The following CACNA1B variants were observed in gnomAD, a reference collection of about 807,000 sequenced individuals.
CACNA1B encodes the protein voltage-dependent N-type calcium channel subunit alpha-1B.
CACNA1B carries 70 observed loss-of-function variants against 247.2 expected under a neutral mutation model. The observed-to-expected ratio is 0.28, with a 90% CI of 0.23 to 0.35. The LOEUF is 0.35. CACNA1B is among the 10% of genes least tolerant of loss of function. CACNA1B has a pLI of 1.00. For synonymous variants in CACNA1B, 1,231 were observed against 1,294.4 expected (o/e 0.95, Z 1.05); for missense variants, 2,367 against 3,197.4 (o/e 0.74, Z 6.26).
At chr9:137,884,966 C>CGCT (rs546496137) in intron 3 of CACNA1B, among the ~76,000 whole-genome samples, 26 of 107,670 alleles carry the variant, frequency 2.4e-4, no homozygotes, top group African/African-American at 9.4e-4. Context: ...TTCCCCCCCC[C>CGCT]CCTCCTCCCA....
chr9:138,040,852 C>G (rs1445770738), intron 20 of CACNA1B, among the ~76,000 whole-genome samples: 1 of 152,170 alleles, frequency 6.6e-6, no homozygotes, highest in Non-Finnish European at 1.5e-5. Flanking sequence ...TCCTTCAATC[C>G]AATCAAGTTG....
At chr9:137,909,091 A>G (rs1588998453) in intron 3 of CACNA1B, among the ~76,000 whole-genome samples, 2 of 145,992 alleles carry the variant, frequency 1.4e-5, no homozygotes, top group South Asian at 4.4e-4. Flanking sequence ...CCTGGGTTCC[A>G]GCGATTCTCC....
At position 137,954,391 on chromosome 9, in the gene CACNA1B, G is replaced by A. The variant is rs1009436548; in HGVS notation, c.1071-1307G>A. On this transcript the variant is annotated intron_variant, in intron 7 of 46. Coordinates refer to ENST00000371372, the MANE Select transcript of CACNA1B (RefSeq NM_000718.4). The surrounding 1 kb of genome is among the most constrained non-coding windows in gnomAD (Gnocchi z 4.1). ...ACAGCATCCCAGAGAAGCAGAAGAG[G>A]TGGCCCCTGTCCTGCCTCTTCTCAC... 1.3e-5 allele frequency among the ~76,000 whole-genome samples: 2 copies of A among 152,224 alleles called. No homozygotes were observed. The highest frequency in any genetic ancestry group is 4.8e-5 in the African/African-American group (2 of 41,458).
At chr9:138,061,000 A>G (rs1348424106) in intron 31 of CACNA1B, among the ~76,000 whole-genome samples, 1 of 152,100 alleles carries the variant, frequency 6.6e-6, no homozygotes, top group Non-Finnish European at 1.5e-5. Flanking sequence ...CCAGACCCTC[A>G]GCCCTGCGCA....
intron 13 of CACNA1B, among the ~76,000 whole-genome samples, chr9:137,985,768 C>T (rs186130574): frequency 3.9e-5 from 6 of 152,322 alleles, no homozygotes; most frequent in South Asian, 4.1e-4. Flanking sequence ...TCAGCAGCCT[C>T]GGTGGCACCT....
intron 18 of CACNA1B, among the ~76,000 whole-genome samples, chr9:138,016,029 CACACACAGAATCAT>C (rs1589070145): frequency 6.6e-6 from 1 of 152,078 alleles, no homozygotes; most frequent in Non-Finnish European, 1.5e-5. Flanking sequence ...GTCACAGAAG[CACACACAGAATCAT>C]ACACACAGAC....
At chr9:137,989,623 C>A (rs1958408499) in intron 15 of CACNA1B, among the ~76,000 whole-genome samples, 1 of 152,036 alleles carries the variant, frequency 6.6e-6, no homozygotes, top group Admixed American at 6.6e-5. Context: ...AGCACAGATG[C>A]CAGAGGGTCA....
intron 37 of CACNA1B, among the ~76,000 whole-genome samples, chr9:138,099,931 A>G (rs1015528803): frequency 6.6e-6 from 1 of 152,218 alleles, no homozygotes; most frequent in African/African-American, 2.4e-5. Flanking sequence ...GTCTAATAAC[A>G]TCTCCTGGGC....
Position 137,986,544 on chromosome 9 carries a change from A to G in CACNA1B, c.1901A>G (p.Gln634Arg). Residue 634 changes from glutamine to arginine, a missense_variant and splice_region_variant, in exon 14 of 47, where the codon CAG (glutamine) becomes CGG (arginine). Transcript: ENST00000371372. This position sits in a 1 kb window ranked among gnomAD's most constrained non-coding sequence, Gnocchi z 6.0. ...ALLGMQLFGG[Q>R]FNFQDETPTT... The stretch of plus-strand genomic sequence containing the variant: ...CTGGGGATGCAGCTGTTTGGGGGAC[A>G]GTAAGTGGGCCCGGGAGGGAGAGCT... 1 of 1,613,830 alleles carries G rather than the reference A, an allele frequency of 6.2e-7. No individual in the cohort carries two copies. Among genetic ancestry groups the G allele is most frequent in the Non-Finnish European group, 8.5e-7 (1 of 1,179,830 alleles).
At chr9:138,091,225 C>T (rs1350314486) in intron 36 of CACNA1B, among the ~76,000 whole-genome samples, 2 of 152,120 alleles carry the variant, frequency 1.3e-5, no homozygotes, top group African/African-American at 4.8e-5. Context: ...TGAAATTCTG[C>T]CGCTTGTGGC....
rs1431377003 is a variant in CACNA1B, at chr9:138,057,503, A to G, written c.3969-229A>G. 6.6e-6 allele frequency among the ~76,000 whole-genome samples: 1 copy of G among 152,078 alleles called. No homozygotes were observed. The highest frequency in any genetic ancestry group is 1.5e-5 in the Non-Finnish European group (1 of 68,022). ...GCCCCCGTTTTCCTCTAAGTGTTTT[A>G]TAGTTTTAGCTCCTTACACTTAGGT... is the stretch of plus-strand genomic sequence containing the variant. On this transcript the variant is annotated intron_variant, in intron 26 of 46. Transcript: ENST00000371372. The surrounding 1 kb of genome is among the most constrained non-coding windows in gnomAD (Gnocchi z 4.0).
chr9:137,984,210 C>T lies in CACNA1B; in HGVS notation c.1729C>T (p.Leu577=), dbSNP rs1958327623. The change falls in exon 13 of 47, where the codon CTG becomes TTG. Residue 577 remains leucine, a synonymous_variant. Coordinates refer to ENST00000371372, the MANE Select transcript of CACNA1B (RefSeq NM_000718.4). ...KPGSSFGISV[L]RALRLLRIFK... is the part of the protein sequence containing the mutation. The stretch of plus-strand genomic sequence containing the variant: ...GGGAAGCTCCTTTGGGATCAGTGTG[C>T]TGCGGGCCCTCCGCCTGCTGAGGAT... The T allele has an allele frequency of 6.2e-7, 1 of 1,602,740 alleles. No individual in the cohort carries two copies.
chr9:137,943,786 G>T (rs574380541), intron 6 of CACNA1B, among the ~76,000 whole-genome samples: 2 of 152,142 alleles, frequency 1.3e-5, no homozygotes, highest in Non-Finnish European at 2.9e-5. Flanking sequence ...TTGCAAGACC[G>T]CATTCTTTGA....
At chr9:138,015,371 G>A (rs1281169921) in intron 18 of CACNA1B, among the ~76,000 whole-genome samples, 2 of 152,196 alleles carry the variant, frequency 1.3e-5, no homozygotes, top group Non-Finnish European at 2.9e-5. Context: ...CACCTGGCGA[G>A]GCCTGGCCCT....
intron 36 of CACNA1B, among the ~76,000 whole-genome samples, chr9:138,095,217 G>C (rs1413666443): frequency 6.6e-6 from 1 of 152,094 alleles, no homozygotes; most frequent in Admixed American, 6.5e-5. Flanking sequence ...TTTAATAAGG[G>C]GTTAATATTC....
chr9:138,002,775 CTT>C (rs1288265382), intron 15 of CACNA1B, among the ~76,000 whole-genome samples: 2 of 150,688 alleles, frequency 1.3e-5, no homozygotes, highest in African/African-American at 4.9e-5. Flanking sequence ...AATTTCTTCT[CTT>C]TTCTTTTCTT....
intron 15 of CACNA1B, among the ~76,000 whole-genome samples, chr9:137,987,161 A>G (rs978396530): frequency 4.6e-5 from 7 of 152,128 alleles, no homozygotes; most frequent in African/African-American, 1.7e-4. Flanking sequence ...TTAGCTCCTG[A>G]GACTTGCATG....
In CACNA1B at chr9:138,010,074, C is replaced by A. The variant is rs751781102; in HGVS notation, c.2157C>A (p.Thr719=). The A allele has an allele frequency of 6.2e-7, 1 of 1,612,972 alleles. No homozygotes were observed. Among genetic ancestry groups the A allele is most frequent in the South Asian group, 1.1e-5 (1 of 91,040 alleles). Residue 719 remains threonine (T), a synonymous_variant, in exon 17 of 47, where the codon ACC becomes ACA. Coordinates refer to ENST00000371372, the MANE Select transcript of CACNA1B (RefSeq NM_000718.4). The surrounding 1 kb of genome is among the most constrained non-coding windows in gnomAD (Gnocchi z 5.3). ...VDNLANAQEL[T]KDEEEMEEAA... The stretch of plus-strand genomic sequence containing the variant: ...ACCTGGCCAACGCCCAAGAGCTGAC[C>A]AAGGTAGGTGGCGACAGGGAGGGAC...
chr9:138,047,430 G>A lies in CACNA1B; in HGVS notation c.3575G>A (p.Gly1192Asp). 1 of 1,612,482 alleles carries A rather than the reference G, an allele frequency of 6.2e-7. No individual in the cohort carries two copies. The highest frequency in any genetic ancestry group is 8.5e-7 in the Non-Finnish European group (1 of 1,178,500). The change falls in exon 23 of 47, where the codon GGT becomes GAT. Residue 1192 changes from glycine to aspartate, a missense_variant. Transcript: ENST00000371372. ...ALKYLDYIFT[G>D]VFTFEMVIKM... The stretch of plus-strand genomic sequence containing the variant: ...AAATACCTGGATTACATTTTCACTG[G>A]TGTCTTTACCTTTGAGATGGTGATA...
Sources: allele counts gnomAD v4.1 joint callset (sites outside exome capture counted in the v4.1 genomes callset), GRCh38; gene constraint gnomAD v4.1.1; non-coding constraint Gnocchi (gnomAD v3.1); transcripts MANE v1.5; gene names NCBI Gene and HGNC (gene_info 2026-07-23, HGNC 2026-07-21).